TJP1: variants seen among roughly 807,000 people sequenced by gnomAD.
TJP1 encodes tight junction protein 1.
In TJP1, 43 loss-of-function variants were observed where a neutral mutation model predicts 194.2. That is an observed-to-expected ratio of 0.22 (90% CI 0.17 to 0.29). The LOEUF is 0.29. Among genes scored for constraint, TJP1 ranks in the 10% least tolerant of loss-of-function variants. TJP1 has a pLI of 1.00. For synonymous variants in TJP1, 801 were observed against 779.0 expected (o/e 1.03, Z -0.47); for missense variants, 1,971 against 2,185.7 (o/e 0.90, Z 1.96).
chr15:29,912,796 T>C (rs2054063780), intron 2 of TJP1, among the ~76,000 whole-genome samples: 1 of 151,434 alleles, frequency 6.6e-6, no homozygotes, highest in African/African-American at 2.4e-5. Context: ...GTTACATAAC[T>C]TATTGCACTT....
rs558614482 is a variant in TJP1 at position 29,757,020 on chromosome 15, T to C, written c.1010+4119A>G. On this transcript the variant is annotated intron_variant, in intron 8 of 27. Coordinates refer to ENST00000614355, the MANE Select transcript of TJP1 (RefSeq NM_001330239.4). ...CGAACACATGTGCCAGGTATTGTAATAACTAATTTCTCACCATTCTGTAAC... is the reference window on the plus strand; with the variant it reads ...CGAACACATGTGCCAGGTATTGTAACAACTAATTTCTCACCATTCTGTAAC... Among the ~76,000 whole-genome samples the C allele has an allele frequency of 2.0e-4, 30 of 152,304 alleles. No homozygotes were observed. In the East Asian group the frequency reaches 5.6e-3, roughly 28 times the overall value.
chr15:29,920,583 C>A (rs1220727173), intron 2 of TJP1, among the ~76,000 whole-genome samples: 6 of 152,228 alleles, frequency 3.9e-5, no homozygotes, highest in African/African-American at 1.4e-4. Flanking sequence ...CTGCAATCTC[C>A]TTTCCGTTAC....
rs758390055 is a variant in TJP1 at position 29,733,311 on chromosome 15, A to G, written c.1519T>C (p.Tyr507His). The change falls in exon 13 of 28, where the codon TAT becomes CAT. Residue 507 changes from tyrosine (Y) to histidine (H), a missense_variant and splice_region_variant. By Grantham distance (83) the Tyr-to-His change is moderately conservative (BLOSUM62 2). Around this residue, in one of 5 missense-constraint regions of TJP1, gnomAD observed 402 missense variants for 484.2 expected, o/e 0.83. Transcript: ENST00000614355. ...ACATCTGATTCTACAATGCGACGAT[A>G]AACTAAAAGGAATAAAAACAAACAC... ...TILAQKKKDV[Y>H]RRIVESDVGD... is the part of the protein sequence containing the mutation. The G allele has an allele frequency of 6.2e-7, 1 of 1,601,048 alleles. No homozygotes were observed. The highest frequency in any genetic ancestry group is 1.1e-5 in the South Asian group (1 of 90,176).
chr15:29,884,027 A>T (rs2053029572), intron 2 of TJP1, among the ~76,000 whole-genome samples: 1 of 152,238 alleles, frequency 6.6e-6, no homozygotes, highest in Admixed American at 6.5e-5. Flanking sequence ...GCTGAAAGCT[A>T]AACTAGGGTA....
At chr15:29,785,667 AAT>A (rs1424874761) in intron 2 of TJP1, among the ~76,000 whole-genome samples, 47 of 152,216 alleles carry the variant, frequency 3.1e-4, no homozygotes, top group Middle Eastern at 6.8e-3. Flanking sequence ...ACAATCCGCT[AAT>A]TATAACTTTC....
chr15:29,781,300 T>C (rs1809522556), intron 2 of TJP1, among the ~76,000 whole-genome samples: 1 of 151,936 alleles, frequency 6.6e-6, no homozygotes, highest in East Asian at 1.9e-4. Context: ...AACATACCAG[T>C]AACAAACGCC....
At chr15:29,747,943 T>C (rs907856797) in intron 8 of TJP1, among the ~76,000 whole-genome samples, 2 of 152,178 alleles carry the variant, frequency 1.3e-5, no homozygotes, top group Non-Finnish European at 2.9e-5. Context: ...AAAACAACAT[T>C]TCACATAAAT....
chr15:29,923,233 G>A (rs2054421651), intron 2 of TJP1, among the ~76,000 whole-genome samples: 1 of 152,156 alleles, frequency 6.6e-6, no homozygotes, highest in Non-Finnish European at 1.5e-5. Context: ...GTTTTCAAAA[G>A]AGTGAAGATT....
chr15:29,785,302 C>A (rs1458989982), intron 2 of TJP1, among the ~76,000 whole-genome samples: 1 of 152,166 alleles, frequency 6.6e-6, no homozygotes, highest in African/African-American at 2.4e-5. Context: ...AAACAGGGTC[C>A]TGGAATTTTT....
intron 1 of TJP1, chr15:29,968,191 CCTTGCCTTG>C: frequency 1.0e-6 from 1 of 985,438 alleles, no homozygotes. Context: ...AACTTATTCC[CCTTGCCTTG>C]CTCGTCCTCT....
chr15:29,852,553 A>G (rs915652616), intron 2 of TJP1, among the ~76,000 whole-genome samples: 4 of 152,238 alleles, frequency 2.6e-5, no homozygotes, highest in Non-Finnish European at 4.4e-5. Context: ...GCAGTTTCTT[A>G]AAATCCAAAA....
chr15:29,840,781 G>A (rs1056135459), intron 2 of TJP1, among the ~76,000 whole-genome samples: 2 of 152,108 alleles, frequency 1.3e-5, no homozygotes, highest in African/African-American at 4.8e-5. Context: ...CAGGTGTTTG[G>A]GATAGAAGAA....
At chr15:29,781,338 C>A (rs1464174260) in intron 2 of TJP1, among the ~76,000 whole-genome samples, 1 of 151,974 alleles carries the variant, frequency 6.6e-6, no homozygotes, top group Non-Finnish European at 1.5e-5. Flanking sequence ...AAATAGCCTA[C>A]CAACTAAAAA....
chr15:29,875,571 T>C (rs79711122), intron 2 of TJP1, among the ~76,000 whole-genome samples: 4,074 of 152,222 alleles, frequency 0.027, 191 homozygotes, highest in African/African-American at 0.093. Flanking sequence ...ATTTTTTTAT[T>C]TTTATTTTTT....
At chr15:29,761,386 T>C (rs2045998565) in intron 7 of TJP1, 100 bp from the exon 8 acceptor site, 3 of 1,426,530 alleles carry the variant, frequency 2.1e-6, no homozygotes, top group South Asian at 2.6e-5. Context: ...AGTAAAATTA[T>C]ATATAAAATG....
At chr15:29,777,005 G>C (rs897140689) in intron 2 of TJP1, among the ~76,000 whole-genome samples, 3 of 151,992 alleles carry the variant, frequency 2.0e-5, no homozygotes, top group Non-Finnish European at 4.4e-5. Context: ...AATTGTTCAA[G>C]TAAAAGTGAT....
chr15:29,836,050 GA>G (rs1428245553), intron 2 of TJP1, among the ~76,000 whole-genome samples: 2 of 151,984 alleles, frequency 1.3e-5, no homozygotes, highest in East Asian at 3.9e-4. Context: ...GATTATTCAA[GA>G]ATACATTTAA....
chr15:29,701,636 C>A lies in TJP1; in HGVS notation c.5266G>T (p.Val1756Phe), dbSNP rs369915729. ...KCLPGDPNYL[V>F]GANCVSVLID... ...AGGACAGAAACACAGTTTGCTCCAACGAGATAATTTGGATCTCCGGGAAGA... is the reference window on the plus strand; with the variant it reads ...AGGACAGAAACACAGTTTGCTCCAAAGAGATAATTTGGATCTCCGGGAAGA... Residue 1756 changes from valine to phenylalanine, a missense_variant, in exon 28 of 28, where the codon GTT becomes TTT. Physicochemically the swap from Val to Phe is conservative, Grantham distance 50 (BLOSUM62 -1). This residue lies in a region of TJP1 where 1,108 missense variants were observed against 1,128.5 expected (regional missense o/e 0.98). Transcript: ENST00000614355. 7.6e-5 allele frequency: 123 copies of A among 1,614,078 alleles called. No homozygotes were observed. The highest frequency in any genetic ancestry group is 6.6e-4 in the Middle Eastern group (4 of 6,062).
intron 1 of TJP1, among the ~76,000 whole-genome samples, chr15:29,817,858 G>A (rs1259473527): frequency 6.6e-6 from 1 of 152,106 alleles, no homozygotes; most frequent in Admixed American, 6.6e-5. Context: ...TGGTGGTGGG[G>A]GGAAAGGGAG....
Sources: gnomAD v4.1 joint callset for allele counts (sites outside exome capture counted in the v4.1 genomes callset) on GRCh38, gnomAD v4.1.1 for gene constraint, gnomAD v4.1.1 regional missense constraint, MANE v1.5 for transcripts, NCBI Gene and HGNC (gene_info 2026-07-23, HGNC 2026-07-21) for gene names.